SLC4A10: variants seen among roughly 807,000 people sequenced by gnomAD.
SLC4A10 encodes solute carrier family 4 member 10.
SLC4A10 carries 42 observed loss-of-function variants against 137.7 expected under a neutral mutation model. The observed-to-expected ratio is 0.30, with a 90% confidence interval of 0.24 to 0.39. The LOEUF is 0.39. Ranked by LOEUF, SLC4A10 falls within the 10% of genes least tolerant of loss-of-function variation. SLC4A10 has a pLI of 1.00. For missense variants in SLC4A10, 925 were observed against 1,355.0 expected, an observed-to-expected ratio of 0.68 and a Z score of 4.98; for synonymous variants, 474 against 464.1, an observed-to-expected ratio of 1.02 and a Z score of -0.27.
chr2:161,760,992 A>G (rs1457983594), intron 1 of SLC4A10, among the ~76,000 whole-genome samples: 1 of 152,078 alleles, frequency 6.6e-6, no homozygotes, highest in African/African-American at 2.4e-5. Context: ...AAATCCTGCA[A>G]TATATAAATA....
intron 1 of SLC4A10, among the ~76,000 whole-genome samples, chr2:161,732,070 T>C (rs994967975): frequency 2.0e-5 from 3 of 152,200 alleles, no homozygotes; most frequent in Non-Finnish European, 4.4e-5. Flanking sequence ...TCATGCCCTC[T>C]CCAGATGCAG....
chr2:161,899,827 C>T (rs1179725010), intron 11 of SLC4A10, among the ~76,000 whole-genome samples: 1 of 152,050 alleles, frequency 6.6e-6, no homozygotes, highest in Non-Finnish European at 1.5e-5. Flanking sequence ...TCTCTTTTAT[C>T]TTTGAACTTT....
At chr2:161,702,444 A>G (rs1319581588) in intron 1 of SLC4A10, among the ~76,000 whole-genome samples, 1 of 151,876 alleles carries the variant, frequency 6.6e-6, no homozygotes, top group African/African-American at 2.4e-5. Context: ...TTAGCACTGG[A>G]ATAGTGCTTG....
At chr2:161,772,547 A>G (rs1409492085) in intron 2 of SLC4A10, among the ~76,000 whole-genome samples, 1 of 151,880 alleles carries the variant, frequency 6.6e-6, no homozygotes, top group Non-Finnish European at 1.5e-5. Context: ...AAATACAGAC[A>G]ATGGTGTGCA....
chr2:161,971,978 G>T (rs1209994449), intron 23 of SLC4A10, among the ~76,000 whole-genome samples: 1 of 152,152 alleles, frequency 6.6e-6, no homozygotes, highest in Admixed American at 6.5e-5. Context: ...CCCAAGCTTT[G>T]GTCCAATTTT....
intron 15 of SLC4A10, among the ~76,000 whole-genome samples, chr2:161,913,280 C>A (rs1183540312): frequency 6.6e-6 from 1 of 152,084 alleles, no homozygotes; most frequent in Non-Finnish European, 1.5e-5. Flanking sequence ...GTTTCTCAAC[C>A]ACTAATACAC....
At chr2:161,785,831 C>T (rs2053563716) in intron 2 of SLC4A10, among the ~76,000 whole-genome samples, 1 of 151,764 alleles carries the variant, frequency 6.6e-6, no homozygotes, top group African/African-American at 2.4e-5. Flanking sequence ...TACTAGAAGT[C>T]CTAGGAAGAG....
intron 15 of SLC4A10, among the ~76,000 whole-genome samples, chr2:161,941,149 C>T (rs1435030097): frequency 1.3e-5 from 2 of 152,144 alleles, no homozygotes; most frequent in East Asian, 3.9e-4. Context: ...CAACAATGTT[C>T]CTAACATCAC....
At chr2:161,683,586 G>A (rs2041092378) in intron 1 of SLC4A10, among the ~76,000 whole-genome samples, 1 of 152,138 alleles carries the variant, frequency 6.6e-6, no homozygotes, top group Admixed American at 6.6e-5. Context: ...TTGTTGGTTG[G>A]TTGAAATGTT....
intron 1 of SLC4A10, among the ~76,000 whole-genome samples, chr2:161,716,336 A>C (rs1266454086): frequency 1.3e-5 from 2 of 152,050 alleles, no homozygotes; most frequent in Non-Finnish European, 2.9e-5. Flanking sequence ...TAGTTTAATT[A>C]GATCCCATTT....
rs1450498612 is a variant in SLC4A10, at chr2:161,767,213, TAC to T, written c.49-3756_49-3755del. Among the ~76,000 whole-genome samples, 114 of 108,650 alleles carry T rather than the reference TAC, an allele frequency of 1.0e-3. 2 individuals carry two copies. Among genetic ancestry groups the T allele is most frequent in the African/African-American group, 3.7e-3 (104 of 27,962 alleles). The allele number at this position is 108,650 out of a possible 152,430, so 71.3% of individuals were successfully genotyped here. ...GTGTGTGTGTGTGTGTATATATATATACACATATATATATATATACACATATA... is the reference window on the plus strand; with the variant it reads ...GTGTGTGTGTGTGTGTATATATATATACATATATATATATATACACATATA... On this transcript the variant is annotated intron_variant, in intron 1 of 26. Transcript: ENST00000446997.
chr2:161,827,764 G>A (rs1271066780), intron 3 of SLC4A10, among the ~76,000 whole-genome samples: 6 of 151,836 alleles, frequency 4.0e-5, no homozygotes, highest in African/African-American at 1.5e-4. Flanking sequence ...ACGGGGTTTC[G>A]CCATGTTAGC....
At chr2:161,771,320 A>G (rs1233808267) in intron 2 of SLC4A10, among the ~76,000 whole-genome samples, 2 of 151,878 alleles carry the variant, frequency 1.3e-5, no homozygotes, top group Non-Finnish European at 2.9e-5. Context: ...CAATCTTTCA[A>G]TAATCCTTGC....
intron 1 of SLC4A10, among the ~76,000 whole-genome samples, chr2:161,675,932 T>A (rs1408251997): frequency 6.6e-6 from 1 of 152,186 alleles, no homozygotes; most frequent in Non-Finnish European, 1.5e-5. Flanking sequence ...AAGCCCTGAA[T>A]GAAATCATGT....
At chr2:161,701,933 G>T (rs2043163320) in intron 1 of SLC4A10, among the ~76,000 whole-genome samples, 1 of 151,890 alleles carries the variant, frequency 6.6e-6, no homozygotes, top group African/African-American at 2.4e-5. Context: ...AGAGAAAGGG[G>T]AATGCTGGTA....
chr2:161,782,434 A>C (rs138357883), intron 2 of SLC4A10, among the ~76,000 whole-genome samples: 348 of 152,094 alleles, frequency 2.3e-3, no homozygotes, highest in Non-Finnish European at 3.6e-3. Flanking sequence ...TATCTGATGC[A>C]AAGACACCAA....
At chr2:161,673,018 G>A (rs1374513451) in intron 1 of SLC4A10, among the ~76,000 whole-genome samples, 2 of 152,148 alleles carry the variant, frequency 1.3e-5, no homozygotes, top group African/African-American at 2.4e-5. Flanking sequence ...CGTGTATCAC[G>A]TGCATATGCG....
intron 10 of SLC4A10, among the ~76,000 whole-genome samples, chr2:161,888,664 G>T (rs2062581623): frequency 6.6e-6 from 1 of 152,156 alleles, no homozygotes; most frequent in Non-Finnish European, 1.5e-5. Context: ...TGCTGAAGTT[G>T]CTTATCAGCT....
intron 15 of SLC4A10, among the ~76,000 whole-genome samples, chr2:161,914,415 A>G (rs1686604627): frequency 6.6e-6 from 1 of 152,212 alleles, no homozygotes; most frequent in Admixed American, 6.5e-5. Context: ...GAGAAGGGTC[A>G]CGAAACATGT....
Sources: allele counts gnomAD v4.1 joint callset (sites outside exome capture counted in the v4.1 genomes callset), GRCh38; gene constraint gnomAD v4.1.1; transcripts MANE v1.5; gene names NCBI Gene and HGNC (gene_info 2026-07-23, HGNC 2026-07-21).